Variants in SLIT1 observed in about 807,000 individuals in gnomAD.
SLIT1 encodes the protein slit homolog 1 protein.
Under a neutral mutation model 186.1 loss-of-function variants are expected in SLIT1, and 66 were observed. The observed-to-expected ratio is 0.35, with a 90% CI of 0.29 to 0.44. SLIT1 has a LOEUF of 0.44. Ranked by LOEUF, SLIT1 falls within the 20% of genes least tolerant of loss-of-function variation. The pLI is 1.00. For missense variants in SLIT1, 1,638 were observed against 2,037.4 expected, an observed-to-expected ratio of 0.80 and a Z score of 3.77; for synonymous variants, 761 against 833.8, an observed-to-expected ratio of 0.91 and a Z score of 1.50.
chr10:97,164,245 G>A (rs1182985513), intron 2 of SLIT1, among the ~76,000 whole-genome samples: 1 of 151,828 alleles, frequency 6.6e-6, no homozygotes, highest in Non-Finnish European at 1.5e-5. Context: ...TGGCTTTCGT[G>A]CCCCTGCATG....
At chr10:97,032,563 C>T (rs1191374318) in intron 23 of SLIT1, among the ~76,000 whole-genome samples, 7 of 149,230 alleles carry the variant, frequency 4.7e-5, no homozygotes, top group Admixed American at 4.7e-4. Context: ...AGCGAGACTC[C>T]CCATCTCAAA....
intron 32 of SLIT1, among the ~76,000 whole-genome samples, chr10:97,005,390 C>T (rs1356128135): frequency 2.6e-5 from 4 of 152,180 alleles, no homozygotes; most frequent in Non-Finnish European, 4.4e-5. Context: ...GATCATTTTT[C>T]CCTGCCTTGT....
chr10:97,068,814 C>T lies in SLIT1; in HGVS notation c.414-2728G>A, dbSNP rs569341986. ...ATTCCTGGAGACATTCCCCAGATTC[C>T]GCCCATTTAGGCTACTCCCCAGAGG... is the stretch of plus-strand genomic sequence containing the variant. On this transcript the variant is annotated intron_variant, in intron 4 of 36. Transcript: ENST00000266058. The surrounding 1 kb of genome is among the most constrained non-coding windows in gnomAD (Gnocchi z 4.2). 3.9e-5 allele frequency among the ~76,000 whole-genome samples: 6 copies of T among 152,300 alleles called. No homozygotes were observed. In the South Asian group the frequency reaches 1.2e-3, roughly 32 times the overall value.
At chr10:97,099,201 A>G (rs894620510) in intron 4 of SLIT1, among the ~76,000 whole-genome samples, 1 of 152,056 alleles carries the variant, frequency 6.6e-6, no homozygotes, top group Non-Finnish European at 1.5e-5. Flanking sequence ...AACGTGAGAC[A>G]GGACGAAGAG....
Position 97,001,024 on chromosome 10 carries a change from C to T in SLIT1, c.*88G>A, listed in dbSNP as rs1422647339. 1.9e-6 allele frequency: 2 copies of T among 1,079,680 alleles called. No individual in the cohort carries two copies. Among genetic ancestry groups the T allele is most frequent in the Non-Finnish European group, 2.8e-6 (2 of 725,316 alleles). The allele number at this position is 1,079,680 out of a possible 1,614,324, so 66.9% of individuals were successfully genotyped here. On this transcript the variant is annotated 3_prime_UTR_variant, in exon 37 of 37. Transcript: ENST00000266058. ...CCAGGAGCCGTCCTGTGATGACCTG[C>T]ACCCCAGCCCAGCTGCTGGCGACTG...
intron 23 of SLIT1, among the ~76,000 whole-genome samples, chr10:97,033,858 C>A (rs1221551746): frequency 7.6e-6 from 1 of 131,000 alleles, no homozygotes; most frequent in Non-Finnish European, 1.6e-5. Flanking sequence ...TAGCACTGTT[C>A]TATTTTTTTT....
chr10:97,074,926 T>G (rs1849032289), intron 4 of SLIT1, among the ~76,000 whole-genome samples: 1 of 152,224 alleles, frequency 6.6e-6, no homozygotes, highest in Non-Finnish European at 1.5e-5. Flanking sequence ...TCTAACCTGA[T>G]TGGTCCCTGC....
intron 30 of SLIT1, 69 bp from the exon 31 acceptor site, chr10:97,011,199 C>T: frequency 5.6e-6 from 6 of 1,064,186 alleles, no homozygotes; most frequent in South Asian, 5.3e-5. Flanking sequence ...GGGGAGCGCA[C>T]CAGGGATCCC....
chr10:97,144,704 C>T (rs772253808), intron 4 of SLIT1, among the ~76,000 whole-genome samples: 1 of 152,152 alleles, frequency 6.6e-6, no homozygotes, highest in African/African-American at 2.4e-5. Context: ...CAGGATGAAG[C>T]GGGAGCCAGC....
At chr10:97,177,791 C>T (rs1022183425) in intron 1 of SLIT1, among the ~76,000 whole-genome samples, 4 of 152,150 alleles carry the variant, frequency 2.6e-5, no homozygotes, top group East Asian at 3.9e-4. Flanking sequence ...GCCTAACCAA[C>T]ATGGTGAAAC....
rs968953955 is a variant in SLIT1, at chr10:97,000,296, G to C, written c.*816C>G. 1.3e-5 allele frequency: 2 copies of C among 152,372 alleles called. No individual in the cohort carries two copies. Among genetic ancestry groups the C allele is most frequent in the African/African-American group, 4.8e-5 (2 of 41,454 alleles). The allele number at this position is 152,372 out of a possible 1,614,324, so 9.4% of individuals were successfully genotyped here. A position where few individuals can be genotyped will look rare whatever the true frequency, so the allele number is the denominator to read the frequency against. ...GCCCAGGACCAATACTCCTACTGTG[G>C]CCAGTGTCTGGAGGCAGATGATGTT... is the stretch of plus-strand genomic sequence containing the variant. On this transcript the variant is annotated 3_prime_UTR_variant, in exon 37 of 37. Transcript: ENST00000266058.
chr10:97,076,599 A>T (rs1337174829), intron 4 of SLIT1, among the ~76,000 whole-genome samples: 2 of 152,188 alleles, frequency 1.3e-5, no homozygotes, highest in African/African-American at 4.8e-5. Context: ...GCATGTGTGC[A>T]CGCCTGTCTC....
chr10:97,132,495 C>A (rs1166738391), intron 4 of SLIT1, among the ~76,000 whole-genome samples: 1 of 152,206 alleles, frequency 6.6e-6, no homozygotes, highest in East Asian at 1.9e-4. Context: ...TGGCCAAGAC[C>A]TGGTACCCAA....
chr10:97,114,091 C>T (rs1280548617), intron 4 of SLIT1, among the ~76,000 whole-genome samples: 1 of 152,152 alleles, frequency 6.6e-6, no homozygotes, highest in Non-Finnish European at 1.5e-5. Context: ...GACAAGGGAC[C>T]TAGCAAAGGA....
intron 26 of SLIT1, among the ~76,000 whole-genome samples, chr10:97,020,477 A>T (rs536270331): frequency 6.6e-6 from 1 of 152,342 alleles, no homozygotes; most frequent in African/African-American, 2.4e-5. Context: ...GCATAAATTG[A>T]CTTGCTCCCA....
At chr10:97,151,458 A>T (rs1383755775) in intron 4 of SLIT1, among the ~76,000 whole-genome samples, 4 of 146,818 alleles carry the variant, frequency 2.7e-5, no homozygotes, top group African/African-American at 1.0e-4. Context: ...GAGATGGGGG[A>T]TGGAGGGATG....
chr10:97,064,350 G>A (rs1848923828), intron 6 of SLIT1, 111 bp from the exon 7 acceptor site: 7 of 850,482 alleles, frequency 8.2e-6, no homozygotes, highest in African/African-American at 1.7e-5. Flanking sequence ...TGACCAGCAC[G>A]GGGCTGGACA....
chr10:97,030,848 C>T lies in SLIT1; in HGVS notation c.2511-20G>A. 1.2e-6 allele frequency: 2 copies of T among 1,609,006 alleles called. No homozygotes were observed. The highest frequency in any genetic ancestry group is 1.7e-6 in the Non-Finnish European group (2 of 1,175,834). On this transcript the variant is annotated intron_variant, in intron 24 of 36. Coordinates refer to ENST00000266058, the MANE Select transcript of SLIT1 (RefSeq NM_003061.3). ...AGAGACCTGAGAAGGGAAGAGGCTG[C>T]TGGTGCCTTATCCAGGGACAGAGAT...
intron 4 of SLIT1, among the ~76,000 whole-genome samples, chr10:97,078,560 G>C (rs1849070196): frequency 6.6e-6 from 1 of 152,214 alleles, no homozygotes; most frequent in Non-Finnish European, 1.5e-5. Flanking sequence ...GCTTTGAAGT[G>C]AAAGTTCAGC....
Sources: allele counts gnomAD v4.1 joint callset (sites outside exome capture counted in the v4.1 genomes callset), GRCh38; gene constraint gnomAD v4.1.1; non-coding constraint Gnocchi (gnomAD v3.1); transcripts MANE v1.5; gene names NCBI Gene and HGNC (gene_info 2026-07-23, HGNC 2026-07-21).